Variants in DCHS2 observed in about 807,000 individuals in gnomAD.
The protein encoded by DCHS2 is dachsous cadherin-related 2.
Under a neutral mutation model 182.4 loss-of-function variants are expected in DCHS2, and 142 were observed. The ratio of observed to expected loss-of-function variants is 0.78; its 90% CI spans 0.68 to 0.89. The LOEUF is 0.89. Among genes scored for constraint, DCHS2 ranks in the 40% least tolerant of loss-of-function variants. The probability of loss-of-function intolerance (pLI) is 0.00; values close to 1 mark genes in which losing one functional copy is unlikely to be tolerated. For missense variants in DCHS2, 4,319 were observed against 4,198.6 expected, an observed-to-expected ratio of 1.03 and a Z score of -0.79; for synonymous variants, 1,740 against 1,663.3, an observed-to-expected ratio of 1.05 and a Z score of -1.12.
intron 1 of DCHS2, among the ~76,000 whole-genome samples, chr4:154,427,528 C>A (rs1475966745): frequency 1.3e-5 from 2 of 152,224 alleles, no homozygotes; most frequent in Non-Finnish European, 2.9e-5. Context: ...GTTCTGAGGG[C>A]TGCCCAATTT....
At position 154,236,527 on chromosome 4, in the gene DCHS2, C is replaced by T. The variant is rs766247841; in HGVS notation, c.8125G>A (p.Glu2709Lys). The T allele has an allele frequency of 3.7e-6, 6 of 1,613,888 alleles. No individual in the cohort carries two copies. Among genetic ancestry groups the T allele is most frequent in the Middle Eastern group, 1.6e-4 (1 of 6,084 alleles). ...TCTTCTAAGTAAAAATGTCCCTTCT[C>T]ATTTCCAGAGATGATGTTGTAGATG... ...EIIYNIISGNEKGHFYLEENT... is the reference protein window; with the variant it reads ...EIIYNIISGNKKGHFYLEENT... Residue 2709 changes from glutamate (E) to lysine (K), a missense_variant, in exon 20 of 20, where the codon GAG becomes AAG. Coordinates refer to ENST00000357232, the MANE Select transcript of DCHS2 (RefSeq NM_001358235.2).
At chr4:154,386,499 T>C (rs17031541) in intron 1 of DCHS2, among the ~76,000 whole-genome samples, 3,997 of 152,280 alleles carry the variant, frequency 0.026, 160 homozygotes, top group South Asian at 0.14. Context: ...TTTTTTTTCT[T>C]AACCCTGCTT....
At chr4:154,318,566 G>A (rs1735942491) in intron 9 of DCHS2, among the ~76,000 whole-genome samples, 1 of 151,994 alleles carries the variant, frequency 6.6e-6, no homozygotes, top group Non-Finnish European at 1.5e-5. Context: ...ACAAGGAACT[G>A]TCTGAAAAGG....
chr4:154,378,520 A>AGGAAG (rs1333241750), intron 1 of DCHS2, among the ~76,000 whole-genome samples: 1 of 64,016 alleles, frequency 1.6e-5, no homozygotes, highest in Non-Finnish European at 3.7e-5. Flanking sequence ...AAGGAAGGAA[A>AGGAAG]GAAGGAAGGA....
intron 1 of DCHS2, among the ~76,000 whole-genome samples, chr4:154,488,406 C>T (rs772888301): frequency 3.3e-5 from 5 of 152,158 alleles, no homozygotes; most frequent in Non-Finnish European, 7.3e-5. Context: ...TAGCTCACAC[C>T]TGATGCTAAC....
rs1402952851 is a variant in DCHS2, at chr4:154,491,001, G to A, written c.355C>T (p.His119Tyr). 1 of 1,550,516 alleles carries A rather than the reference G, an allele frequency of 6.4e-7. No individual in the cohort carries two copies. The highest frequency in any genetic ancestry group is 2.4e-5 in the East Asian group (1 of 40,862). Residue 119 changes from histidine to tyrosine, a missense_variant, in exon 1 of 20, where the codon CAC becomes TAC. By Grantham distance (83) the His-to-Tyr change is moderately conservative. Coordinates refer to ENST00000357232, the MANE Select transcript of DCHS2 (RefSeq NM_001358235.2). ...DSPLLDDFHV[H>Y]PDTGIIRTAR... ...GTGCGGATGATGCCGGTGTCCGGGTGCACGTGGAAGTCGTCCAGCAGCGGG... is the reference window on the plus strand; with the variant it reads ...GTGCGGATGATGCCGGTGTCCGGGTACACGTGGAAGTCGTCCAGCAGCGGG...
chr4:154,434,409 G>A (rs935166189), intron 1 of DCHS2, among the ~76,000 whole-genome samples: 3 of 152,082 alleles, frequency 2.0e-5, no homozygotes, highest in African/African-American at 7.2e-5. Context: ...GTGAGAGAGT[G>A]AGACCCTGTC....
chr4:154,469,453 A>AT (rs1735370623), intron 1 of DCHS2, among the ~76,000 whole-genome samples: 1 of 152,166 alleles, frequency 6.6e-6, no homozygotes, highest in Non-Finnish European at 1.5e-5. Context: ...CCTGAAAGGA[A>AT]TTTCTCTACT....
intron 13 of DCHS2, among the ~76,000 whole-genome samples, chr4:154,276,163 C>T (rs1733845640): frequency 6.6e-6 from 1 of 152,126 alleles, no homozygotes; most frequent in African/African-American, 2.4e-5. Context: ...ATTCATTTCA[C>T]ATTATCAAGG....
At chr4:154,309,646 G>T (rs1327714191) in intron 10 of DCHS2, among the ~76,000 whole-genome samples, 1 of 152,164 alleles carries the variant, frequency 6.6e-6, no homozygotes, top group Non-Finnish European at 1.5e-5. Context: ...CTTGGCACCA[G>T]AATTGGGTCT....
chr4:154,275,584 C>G (rs1230973052), intron 13 of DCHS2, among the ~76,000 whole-genome samples: 1 of 151,974 alleles, frequency 6.6e-6, no homozygotes, highest in Non-Finnish European at 1.5e-5. Context: ...TACAGTAGTA[C>G]AATATGTTTT....
chr4:154,309,892 C>G (rs774301685), intron 10 of DCHS2, among the ~76,000 whole-genome samples: 3 of 152,190 alleles, frequency 2.0e-5, no homozygotes, highest in Non-Finnish European at 4.4e-5. Context: ...GACTATGATG[C>G]AGAAGACTGT....
chr4:154,302,408 T>G (rs1735224529), intron 12 of DCHS2, among the ~76,000 whole-genome samples: 1 of 152,168 alleles, frequency 6.6e-6, no homozygotes, highest in South Asian at 2.1e-4. Flanking sequence ...CCCTTCCCCT[T>G]TCTCCCCTTA....
Position 154,491,501 on chromosome 4 carries a change from G to GA in DCHS2, c.-147_-146insT. The GA allele has an allele frequency of 1.4e-6, 2 of 1,402,636 alleles. No homozygotes were observed. The highest frequency in any genetic ancestry group is 1.7e-5 in the South Asian group (1 of 58,394). 86.9% of individuals were successfully genotyped at this position (1,402,636 alleles called of 1,614,324 possible). On this transcript the variant is annotated 5_prime_UTR_variant, in exon 1 of 20. Coordinates refer to ENST00000357232, the MANE Select transcript of DCHS2 (RefSeq NM_001358235.2). ...AAACCGACGGCCCAGGAATTCCCGA[G>GA]GTTACATCTGCAACTGGTGAAAGCG...
At position 154,243,113 on chromosome 4, in the gene DCHS2, T is replaced by C. The variant is rs533872463; in HGVS notation, c.6942-341A>G. Among the ~76,000 whole-genome samples the C allele has an allele frequency of 2.6e-5, 4 of 152,290 alleles. No individual in the cohort carries two copies. In the South Asian group the frequency reaches 8.3e-4, roughly 32 times the overall value. ...AATAGAAACACCAATATCTGTACTT[T>C]GGATAAGTAGACTGTTTCCACCTTG... On this transcript the variant is annotated intron_variant, in intron 16 of 19. Coordinates refer to ENST00000357232, the MANE Select transcript of DCHS2 (RefSeq NM_001358235.2).
chr4:154,421,683 C>T (rs533288471), intron 1 of DCHS2, among the ~76,000 whole-genome samples: 1 of 152,328 alleles, frequency 6.6e-6, no homozygotes, highest in African/African-American at 2.4e-5. Flanking sequence ...CGTAAGCCAC[C>T]ACGCCCGAAC....
intron 4 of DCHS2, 127 bp downstream of exon 4, chr4:154,334,741 G>A: frequency 1.4e-6 from 1 of 725,078 alleles, no homozygotes; most frequent in Non-Finnish European, 2.3e-6. Flanking sequence ...GCCACAGTTT[G>A]TGTTATCTCC....
At chr4:154,425,988 G>C (rs1351574815) in intron 1 of DCHS2, among the ~76,000 whole-genome samples, 1 of 152,164 alleles carries the variant, frequency 6.6e-6, no homozygotes. Context: ...ATGGATCCCT[G>C]GGCCTTTCTT....
intron 5 of DCHS2, 84 bp from the exon 6 acceptor site, chr4:154,329,794 G>A (rs969754585): frequency 6.2e-6 from 8 of 1,291,244 alleles, no homozygotes; most frequent in Admixed American, 4.4e-5. Flanking sequence ...GGAAAACCAA[G>A]TACAAAGCTT....
Sources: gnomAD v4.1 joint callset for allele counts (sites outside exome capture counted in the v4.1 genomes callset) on GRCh38, gnomAD v4.1.1 for gene constraint, MANE v1.5 for transcripts, NCBI Gene and HGNC (gene_info 2026-07-23, HGNC 2026-07-21) for gene names.